The following SERINC5 variants were observed in gnomAD, a reference collection of about 807,000 sequenced individuals.
SERINC5 encodes serine incorporator 5, also known as chromosome 5 open reading frame 12.
SERINC5 carries 41 observed loss-of-function variants against 63.1 expected under a neutral mutation model. That is an observed-to-expected ratio of 0.65 (90% CI 0.51 to 0.84). The LOEUF is 0.84. Ranked by LOEUF, SERINC5 falls within the 40% of genes least tolerant of loss-of-function variation. The pLI, the probability that SERINC5 is intolerant of heterozygous loss-of-function variation, is 0.00. For missense variants in SERINC5, 523 were observed against 573.0 expected (o/e 0.91, Z 0.89); for synonymous variants, 222 against 215.2 (o/e 1.03, Z -0.28).
At chr5:80,133,671 A>T (rs778500520) in intron 11 of SERINC5, among the ~76,000 whole-genome samples, 8 of 152,198 alleles carry the variant, frequency 5.3e-5, no homozygotes, top group Non-Finnish European at 8.8e-5. Flanking sequence ...CCGCCCAACG[A>T]ATTTTCCTTG....
At chr5:80,147,198 G>A in intron 10 of SERINC5, 47 bp downstream of exon 10, 1 of 1,523,012 alleles carries the variant, frequency 6.6e-7, no homozygotes. Context: ...TAGAGTTATA[G>A]GTCTGCAGTG....
intron 8 of SERINC5, among the ~76,000 whole-genome samples, chr5:80,152,201 G>A (rs908334195): frequency 6.6e-6 from 1 of 152,100 alleles, no homozygotes; most frequent in African/African-American, 2.4e-5. Flanking sequence ...CACCTAATCC[G>A]ACATTTAAGA....
At chr5:80,185,453 T>C (rs111706987) in intron 2 of SERINC5, among the ~76,000 whole-genome samples, 270 of 152,294 alleles carry the variant, frequency 1.8e-3, no homozygotes, top group Non-Finnish European at 3.3e-3. Context: ...TCCTAACCCA[T>C]AGTAGTCATT....
At chr5:80,229,050 T>TGGTGGGGGGG (rs1751303992) in intron 1 of SERINC5, among the ~76,000 whole-genome samples, 1 of 94,164 alleles carries the variant, frequency 1.1e-5, no homozygotes, top group East Asian at 3.5e-4. Flanking sequence ...TTTTTTTTTT[T>TGGTGGGGGGG]GGGGATGGAG....
At chr5:80,137,154 AAAAAAAAAAC>A (rs1314165905), downstream of SERINC5, among the ~76,000 whole-genome samples, 173 of 115,390 alleles carry the variant, frequency 1.5e-3, no homozygotes, top group South Asian at 4.3e-3. Flanking sequence ...AAAAAAAAAA[AAAAAAAAAAC>A]AAAAAAAACA....
chr5:80,120,912 A>T (rs1187881670), intron 11 of SERINC5, among the ~76,000 whole-genome samples: 1 of 151,940 alleles, frequency 6.6e-6, no homozygotes, highest in African/African-American at 2.4e-5. Flanking sequence ...TTTGAGACAG[A>T]ATTTCGCTCT....
intron 1 of SERINC5, among the ~76,000 whole-genome samples, chr5:80,253,223 A>G (rs1292270772): frequency 6.6e-6 from 1 of 152,188 alleles, no homozygotes; most frequent in East Asian, 1.9e-4. Flanking sequence ...TCACTCCTAC[A>G]GCCATAGCCT....
At chr5:80,227,773 C>T (rs1370511329) in intron 1 of SERINC5, among the ~76,000 whole-genome samples, 1 of 152,002 alleles carries the variant, frequency 6.6e-6, no homozygotes, top group East Asian at 1.9e-4. Context: ...CGCTTGAACC[C>T]GGAAAGCAGA....
intron 1 of SERINC5, among the ~76,000 whole-genome samples, chr5:80,208,704 G>A (rs143697841): frequency 6.6e-6 from 1 of 152,302 alleles, no homozygotes; most frequent in East Asian, 1.9e-4. Context: ...AGAGGGCAAT[G>A]CTTGCAATCC....
intron 1 of SERINC5, among the ~76,000 whole-genome samples, chr5:80,223,015 T>C (rs1425641940): frequency 6.6e-6 from 1 of 152,026 alleles, no homozygotes; most frequent in Non-Finnish European, 1.5e-5. Context: ...CCAGAATGCC[T>C]GGCTAATTTT....
At chr5:80,159,414 A>C (rs1401420291) in intron 7 of SERINC5, among the ~76,000 whole-genome samples, 1 of 152,078 alleles carries the variant, frequency 6.6e-6, no homozygotes, top group Non-Finnish European at 1.5e-5. Context: ...TTCTGTCTGT[A>C]ACTTGGAAAC....
At chr5:80,233,548 G>GC (rs1209463102) in intron 1 of SERINC5, among the ~76,000 whole-genome samples, 1 of 152,038 alleles carries the variant, frequency 6.6e-6, no homozygotes, top group South Asian at 2.1e-4. Context: ...TTAGAGAAGT[G>GC]CAAGTGTGGA....
In SERINC5 at chr5:80,125,169, C is replaced by A. The variant is rs1024098357; in HGVS notation, c.1239-11544G>T. 2.0e-4 allele frequency among the ~76,000 whole-genome samples: 31 copies of A among 152,304 alleles called. No individual in the cohort carries two copies. In the South Asian group the frequency reaches 6.0e-3, roughly 29 times the overall value. ...TATAGCAAACAATTGTACATCACAA[C>A]CTTATGCTAGGTGCTAGGTATACAA... On this transcript the variant is annotated intron_variant, in intron 11 of 12. Coordinates refer to the SERINC5 transcript ENST00000509193.
intron 1 of SERINC5, among the ~76,000 whole-genome samples, chr5:80,236,780 G>C (rs185498445): frequency 1.3e-5 from 2 of 152,038 alleles, no homozygotes; most frequent in Non-Finnish European, 2.9e-5. Flanking sequence ...ACCCGCCTCC[G>C]CCTCTCAAAG....
chr5:80,135,934 G>A (rs553735581), downstream of SERINC5, among the ~76,000 whole-genome samples: 3 of 152,154 alleles, frequency 2.0e-5, no homozygotes, highest in South Asian at 2.1e-4. Flanking sequence ...GTAGGATGAC[G>A]GTTGCCACAG....
intron 11 of SERINC5, among the ~76,000 whole-genome samples, chr5:80,125,822 G>A (rs1190604634): frequency 6.6e-6 from 1 of 152,320 alleles, no homozygotes; most frequent in East Asian, 1.9e-4. Flanking sequence ...AAAAGGACAT[G>A]CAGTGGGTTG....
At chr5:80,129,851 G>C (rs1302533111) in intron 11 of SERINC5, among the ~76,000 whole-genome samples, 1 of 152,130 alleles carries the variant, frequency 6.6e-6, no homozygotes, top group South Asian at 2.1e-4. Flanking sequence ...AGGTCAGAAG[G>C]TGTGTCATTT....
intron 1 of SERINC5, among the ~76,000 whole-genome samples, chr5:80,233,132 T>C (rs1340195132): frequency 4.6e-5 from 7 of 151,994 alleles, no homozygotes; most frequent in Non-Finnish European, 1.5e-5. Context: ...ACTTTAGCAA[T>C]AATTTCTTTA....
In SERINC5 at chr5:80,140,328, AAAAAG is replaced by A; in HGVS notation, c.*3330_*3334del. 2.3e-5 allele frequency: 21 copies of A among 912,212 alleles called. No homozygotes were observed. Among genetic ancestry groups the A allele is most frequent in the Middle Eastern group, 1.1e-3 (2 of 1,764 alleles). The allele number at this position is 912,212 out of a possible 1,614,324, so 56.5% of individuals were successfully genotyped here. On this transcript the variant is annotated 3_prime_UTR_variant, in exon 12 of 12. Coordinates refer to ENST00000507668, the MANE Select transcript of SERINC5 (RefSeq NM_001174072.3). ...TCCAAAAAAAAAAAAAAAAAAAAAA[AAAAAG>A]GCTTAGGGTGACAATTTTGACATGG...
Sources: allele counts gnomAD v4.1 joint callset (sites outside exome capture counted in the v4.1 genomes callset), GRCh38; gene constraint gnomAD v4.1.1; transcripts MANE v1.5; gene names NCBI Gene and HGNC (gene_info 2026-07-23, HGNC 2026-07-21).